RIGI: variants seen among roughly 807,000 people sequenced by gnomAD.
The protein encoded by RIGI is antiviral innate immune response receptor RIG-I.
At chr9:32,488,208 G>A in the RIGI span, 4 of 1,611,906 alleles carry the variant, frequency 2.5e-6, no homozygotes, top group Admixed American at 3.3e-5. Flanking sequence ...CTATACCTGG[G>A]AAATGACAGA....
chr9:32,526,158 G>C, the RIGI span: 9 of 1,612,608 alleles, frequency 5.6e-6, no homozygotes, highest in Admixed American at 1.7e-5. Flanking sequence ...GTCGCTGCTC[G>C]GTGGTCATGC....
At chr9:32,507,683 T>C in the RIGI span, among the ~76,000 whole-genome samples, 2 of 152,052 alleles carry the variant, frequency 1.3e-5, no homozygotes, top group South Asian at 2.1e-4. Context: ...TCTTGTTCCA[T>C]TGCCCAAGCA....
the RIGI span, chr9:32,473,047 C>A: frequency 6.2e-7 from 1 of 1,608,422 alleles, no homozygotes; most frequent in South Asian, 1.1e-5. Context: ...GGATTTCCTT[C>A]AATCCAATTT....
chr9:32,467,956 A>G, the RIGI span: 2 of 1,540,246 alleles, frequency 1.3e-6, no homozygotes, highest in South Asian at 2.5e-5. Flanking sequence ...AGAGGGCATT[A>G]TACAACTCAC....
chr9:32,498,472 C>T, the RIGI span: 2 of 418,092 alleles, frequency 4.8e-6, no homozygotes, highest in Non-Finnish European at 1.0e-5. Context: ...TCAAAATGGC[C>T]ACCATGCAGA....
chr9:32,488,584 A>G, the RIGI span: 1 of 809,852 alleles, frequency 1.2e-6, no homozygotes, highest in East Asian at 3.1e-5. Flanking sequence ...CTAACAAAAA[A>G]GACTTGAATC....
At chr9:32,466,586 G>T in the RIGI span, 3 of 681,750 alleles carry the variant, frequency 4.4e-6, no homozygotes, top group Non-Finnish European at 4.6e-6. Context: ...CTGTTAAAGA[G>T]TGAACTCATG....
chr9:32,481,323 TA>T, the RIGI span: 7 of 1,608,220 alleles, frequency 4.4e-6, no homozygotes, highest in Non-Finnish European at 5.9e-6. Context: ...ATACGACTCT[TA>T]AAAAGAGGAA....
chr9:32,495,911 C>A, the RIGI span, among the ~76,000 whole-genome samples: 1 of 152,160 alleles, frequency 6.6e-6, no homozygotes, highest in Non-Finnish European at 1.5e-5. Flanking sequence ...CCTGCCTCAG[C>A]CTCCCAAAGT....
the RIGI span, among the ~76,000 whole-genome samples, chr9:32,521,152 A>AAAAAAAAAAAAT: frequency 1.3e-5 from 2 of 150,416 alleles, no homozygotes; most frequent in Admixed American, 6.6e-5. Flanking sequence ...AAAAAAAAAA[A>AAAAAAAAAAAAT]AAAAAAAAAA....
the RIGI span, among the ~76,000 whole-genome samples, chr9:32,517,768 A>G: frequency 2.8e-4 from 42 of 152,350 alleles, no homozygotes; most frequent in East Asian, 7.5e-3. Context: ...CCACGTATTA[A>G]TTTTAAGGTT....
the RIGI span, among the ~76,000 whole-genome samples, chr9:32,507,990 T>A: frequency 6.6e-6 from 1 of 152,110 alleles, no homozygotes; most frequent in Non-Finnish European, 1.5e-5. Flanking sequence ...CTTTCCTATA[T>A]TTTCTGGTTA....
chr9:32,467,298 C>A, the RIGI span, among the ~76,000 whole-genome samples: 2 of 152,090 alleles, frequency 1.3e-5, no homozygotes, highest in African/African-American at 4.8e-5. Flanking sequence ...GTGACACGAT[C>A]GAGCTGTTTT....
chr9:32,459,789 C>T, the RIGI span, among the ~76,000 whole-genome samples: 2 of 152,094 alleles, frequency 1.3e-5, no homozygotes, highest in Non-Finnish European at 2.9e-5. Context: ...ATAGAATAGT[C>T]ATATGAACTA....
the RIGI span, chr9:32,492,476 T>G: frequency 2.0e-5 from 33 of 1,614,066 alleles, no homozygotes; most frequent in African/African-American, 2.7e-5. Context: ...TTTCCTTGTC[T>G]GATCTGAGAA....
chr9:32,472,979 G>T, the RIGI span: 1 of 1,606,654 alleles, frequency 6.2e-7, no homozygotes, highest in Admixed American at 1.7e-5. Flanking sequence ...AAATACCTGT[G>T]TTCTGATTTG....
At chr9:32,496,004 T>C in the RIGI span, among the ~76,000 whole-genome samples, 3 of 152,238 alleles carry the variant, frequency 2.0e-5, no homozygotes, top group Non-Finnish European at 4.4e-5. Flanking sequence ...TAACCCCTTA[T>C]CAGGTATATG....
At chr9:32,526,022 A>G in the RIGI span, 13 of 1,483,446 alleles carry the variant, frequency 8.8e-6, no homozygotes, top group East Asian at 2.7e-4. Context: ...CAAGTCCTCA[A>G]TTGTTTTCCG....
the RIGI span, among the ~76,000 whole-genome samples, chr9:32,461,938 G>A: frequency 5.9e-5 from 9 of 152,140 alleles, no homozygotes; most frequent in Admixed American, 2.0e-4. Flanking sequence ...GTGAATGCAC[G>A]TGTTTAAAAT....
Sources: gnomAD v4.1 joint callset for allele counts (sites outside exome capture counted in the v4.1 genomes callset) on GRCh38, gnomAD v4.1.1 for gene constraint, MANE v1.5 for transcripts, NCBI Gene and HGNC (gene_info 2026-07-23, HGNC 2026-07-21) for gene names.